Variants in HTR1F observed in about 807,000 individuals in gnomAD.
HTR1F encodes the protein 5-hydroxytryptamine receptor 1F.
Under a neutral mutation model 24.0 loss-of-function variants are expected in HTR1F, and 17 were observed. The ratio of observed to expected loss-of-function variants is 0.71; its 90% confidence interval spans 0.48 to 1.06. HTR1F has a LOEUF of 1.06. Ranked by LOEUF, HTR1F falls within the 50% of genes least tolerant of loss-of-function variation. The pLI, the probability that HTR1F is intolerant of heterozygous loss-of-function variation, is 0.00. For synonymous variants in HTR1F, 186 were observed against 156.8 expected (o/e 1.19, Z -1.39); for missense variants, 391 against 427.8 (o/e 0.91, Z 0.76).
At chr3:87,980,434 G>C (rs1384287747) in intron 2 of HTR1F, among the ~76,000 whole-genome samples, 2 of 152,196 alleles carry the variant, frequency 1.3e-5, no homozygotes, top group Non-Finnish European at 2.9e-5. Context: ...GCTAAGTCCA[G>C]GGTTTTTATG....
chr3:87,869,448 G>C (rs1327851513), intron 2 of HTR1F, among the ~76,000 whole-genome samples: 22 of 107,896 alleles, frequency 2.0e-4, no homozygotes, highest in African/African-American at 1.1e-3. Context: ...TAGATAGATA[G>C]ATAGATGATA....
At chr3:87,830,026 G>A (rs541516796) in intron 2 of HTR1F, among the ~76,000 whole-genome samples, 3 of 151,958 alleles carry the variant, frequency 2.0e-5, no homozygotes, top group African/African-American at 4.8e-5. Context: ...GCATTTTCTA[G>A]TCTTATTTAC....
chr3:87,962,130 C>G (rs1210185758), intron 2 of HTR1F, among the ~76,000 whole-genome samples: 3 of 151,568 alleles, frequency 2.0e-5, no homozygotes, highest in African/African-American at 7.3e-5. Flanking sequence ...ACTGGCATGC[C>G]AAAAGTAATA....
At chr3:87,959,483 C>T (rs1488565740) in intron 2 of HTR1F, among the ~76,000 whole-genome samples, 2 of 151,730 alleles carry the variant, frequency 1.3e-5, no homozygotes, top group Non-Finnish European at 2.9e-5. Flanking sequence ...TCTAATAGAG[C>T]CTCTTTTACT....
intron 2 of HTR1F, among the ~76,000 whole-genome samples, chr3:87,872,492 T>C (rs530881974): frequency 6.6e-6 from 1 of 152,164 alleles, no homozygotes; most frequent in South Asian, 2.1e-4. Context: ...AAGAGTTGGA[T>C]TCTTGAAAAG....
intron 2 of HTR1F, among the ~76,000 whole-genome samples, chr3:87,932,348 T>G (rs1279769681): frequency 6.6e-6 from 1 of 152,164 alleles, no homozygotes; most frequent in African/African-American, 2.4e-5. Context: ...AAAGATCAGA[T>G]AGTTGTAGAT....
At chr3:87,955,363 G>T (rs1704921521) in intron 2 of HTR1F, among the ~76,000 whole-genome samples, 1 of 151,442 alleles carries the variant, frequency 6.6e-6, no homozygotes, top group Non-Finnish European at 1.5e-5. Flanking sequence ...CATCCATGTT[G>T]CATGTATCAG....
intron 2 of HTR1F, chr3:87,910,137 T>C (rs893278773): frequency 1.3e-5 from 2 of 152,048 alleles, no homozygotes; most frequent in African/African-American, 2.4e-5. Flanking sequence ...CTCCTAAGTA[T>C]ACCTTCTCTC....
chr3:87,938,601 A>C (rs1402326424), intron 2 of HTR1F, among the ~76,000 whole-genome samples: 1 of 152,198 alleles, frequency 6.6e-6, no homozygotes, highest in Non-Finnish European at 1.5e-5. Context: ...ACATAGACAA[A>C]TGGAAGAAAA....
At chr3:87,875,652 C>T (rs1489252370) in intron 2 of HTR1F, among the ~76,000 whole-genome samples, 1 of 151,778 alleles carries the variant, frequency 6.6e-6, no homozygotes, top group Non-Finnish European at 1.5e-5. Context: ...CAGCCAGGCG[C>T]GGTGGCTCAC....
At chr3:87,828,055 C>T (rs1704501034) in intron 2 of HTR1F, among the ~76,000 whole-genome samples, 1 of 152,162 alleles carries the variant, frequency 6.6e-6, no homozygotes. Flanking sequence ...TTCTATAGTT[C>T]CATCTGGGTA....
intron 2 of HTR1F, among the ~76,000 whole-genome samples, chr3:87,880,477 G>C (rs182754005): frequency 9.7e-4 from 148 of 152,252 alleles, no homozygotes; most frequent in African/African-American, 3.4e-3. Context: ...GTGAGTATTA[G>C]AAACCTGGTA....
chr3:87,849,223 G>T (rs1019753125), intron 2 of HTR1F, among the ~76,000 whole-genome samples: 7 of 151,904 alleles, frequency 4.6e-5, no homozygotes, highest in Non-Finnish European at 1.0e-4. Context: ...CAAGGCTACG[G>T]TAACCAAAAC....
chr3:87,802,963 G>T (rs1157374003), intron 1 of HTR1F, among the ~76,000 whole-genome samples: 1 of 152,144 alleles, frequency 6.6e-6, no homozygotes, highest in Non-Finnish European at 1.5e-5. Flanking sequence ...CTTGGCAGCT[G>T]CTTGACAAGC....
At chr3:87,872,904 A>C (rs1433886337) in intron 2 of HTR1F, among the ~76,000 whole-genome samples, 1 of 152,090 alleles carries the variant, frequency 6.6e-6, no homozygotes, top group Non-Finnish European at 1.5e-5. Flanking sequence ...CTCTCCAAAA[A>C]ATTGGGAGGA....
intron 2 of HTR1F, among the ~76,000 whole-genome samples, chr3:87,953,360 A>G (rs1465693659): frequency 6.6e-6 from 1 of 151,612 alleles, no homozygotes; most frequent in Non-Finnish European, 1.5e-5. Context: ...GGCAAAAAAA[A>G]AAAGAAAAGA....
At chr3:87,939,021 A>G (rs185007251) in intron 2 of HTR1F, among the ~76,000 whole-genome samples, 3 of 152,336 alleles carry the variant, frequency 2.0e-5, no homozygotes, top group East Asian at 3.9e-4. Context: ...TTTGCAAACT[A>G]TGCATCTGAC....
At chr3:87,933,066 T>A (rs1459516130) in intron 2 of HTR1F, among the ~76,000 whole-genome samples, 1 of 150,208 alleles carries the variant, frequency 6.7e-6, no homozygotes, top group East Asian at 1.9e-4. Context: ...AATCAATAAA[T>A]GTAATCCAGC....
intron 1 of HTR1F, among the ~76,000 whole-genome samples, chr3:87,794,569 C>T (rs977156610): frequency 6.6e-6 from 1 of 152,172 alleles, no homozygotes; most frequent in African/African-American, 2.4e-5. Flanking sequence ...GTATATTTTT[C>T]CACACGTCTT....
Sources: allele counts gnomAD v4.1 joint callset (sites outside exome capture counted in the v4.1 genomes callset), GRCh38; gene constraint gnomAD v4.1.1; transcripts MANE v1.5; gene names NCBI Gene and HGNC (gene_info 2026-07-23, HGNC 2026-07-21).